NT5DC1: variants seen among roughly 807,000 people sequenced by gnomAD.
NT5DC1 encodes 5'-nucleotidase domain-containing protein 1.
Under a neutral mutation model 59.4 loss-of-function variants are expected in NT5DC1, and 42 were observed. That is an observed-to-expected ratio of 0.71 (90% confidence interval 0.55 to 0.92). NT5DC1 has a LOEUF of 0.92. Among genes scored for constraint, NT5DC1 ranks in the 40% least tolerant of loss-of-function variants. The pLI is 0.00. For synonymous variants in NT5DC1, 172 were observed against 188.1 expected (o/e 0.91, Z 0.70); for missense variants, 501 against 537.1 (o/e 0.93, Z 0.66).
chr6:116,182,222 AGTGTGT>A (rs35883565), intron 6 of NT5DC1, among the ~76,000 whole-genome samples: 2,370 of 124,674 alleles, frequency 0.019, 27 homozygotes, highest in African/African-American at 0.036. Flanking sequence ...TTCCATGGAG[AGTGTGT>A]GTGTGTGTGT....
chr6:116,211,796 G>T (rs1327979745), intron 6 of NT5DC1, among the ~76,000 whole-genome samples: 3 of 152,110 alleles, frequency 2.0e-5, no homozygotes, highest in African/African-American at 7.2e-5. Flanking sequence ...TTGTTGTACT[G>T]TGCAAATCTA....
At chr6:116,243,769 C>T (rs754270361) in intron 11 of NT5DC1, 140 bp from the exon 12 acceptor site, 3 of 513,400 alleles carry the variant, frequency 5.8e-6, no homozygotes, top group Non-Finnish European at 1.0e-5. Flanking sequence ...TAGCTACACA[C>T]AGACCTACTG....
At chr6:116,133,059 T>C (rs1779508042) in intron 6 of NT5DC1, among the ~76,000 whole-genome samples, 1 of 152,272 alleles carries the variant, frequency 6.6e-6, no homozygotes, top group East Asian at 1.9e-4. Context: ...CTGAGAGTCA[T>C]TTACAAAGTT....
intron 8 of NT5DC1, among the ~76,000 whole-genome samples, chr6:116,228,261 C>T (rs537172883): frequency 6.6e-6 from 1 of 151,930 alleles, no homozygotes; most frequent in African/African-American, 2.4e-5. Context: ...GTAATCCCAC[C>T]ACTTTGGGAG....
At chr6:116,204,377 T>C (rs1781405948) in intron 6 of NT5DC1, among the ~76,000 whole-genome samples, 1 of 151,980 alleles carries the variant, frequency 6.6e-6, no homozygotes, top group Admixed American at 6.6e-5. Context: ...AAAGATGCAC[T>C]ACCTAATTAG....
chr6:116,113,417 G>A (rs972349751), intron 4 of NT5DC1, among the ~76,000 whole-genome samples: 1 of 152,162 alleles, frequency 6.6e-6, no homozygotes, highest in Non-Finnish European at 1.5e-5. Flanking sequence ...ATGGTTATAG[G>A]ACTTGATCTT....
chr6:116,238,109 T>C, intron 9 of NT5DC1, 78 bp from the exon 10 acceptor site: 1 of 1,089,500 alleles, frequency 9.2e-7, no homozygotes, highest in Non-Finnish European at 1.3e-6. Flanking sequence ...TGTTGAGAAA[T>C]TTTCTTCTTC....
chr6:116,113,758 C>G (rs1778920047), intron 4 of NT5DC1, among the ~76,000 whole-genome samples: 1 of 152,176 alleles, frequency 6.6e-6, no homozygotes, highest in East Asian at 1.9e-4. Context: ...AATAGTTCAA[C>G]TCTTAGACTG....
intron 6 of NT5DC1, among the ~76,000 whole-genome samples, chr6:116,180,334 C>G (rs1780847919): frequency 6.6e-6 from 1 of 151,926 alleles, no homozygotes; most frequent in Non-Finnish European, 1.5e-5. Context: ...CGCAAGGTAA[C>G]TCATTGGTGC....
At chr6:116,119,818 A>C (rs1752369358) in intron 6 of NT5DC1, 3 of 392,104 alleles carry the variant, frequency 7.7e-6, no homozygotes, top group Middle Eastern at 6.8e-4. Flanking sequence ...TTCTTTGGTG[A>C]TATTTTTTAA....
At chr6:116,226,185 A>T (rs1476353630) in intron 8 of NT5DC1, among the ~76,000 whole-genome samples, 2 of 152,194 alleles carry the variant, frequency 1.3e-5, no homozygotes, top group East Asian at 1.9e-4. Context: ...CCAGAAAAAA[A>T]TTTAAATGTT....
At chr6:116,239,447 G>C (rs1018775880) in intron 11 of NT5DC1, among the ~76,000 whole-genome samples, 4 of 152,144 alleles carry the variant, frequency 2.6e-5, no homozygotes, top group Non-Finnish European at 5.9e-5. Flanking sequence ...TGCTGATTCC[G>C]GAGGCGGCAC....
At chr6:116,229,805 C>G (rs1184157814) in intron 8 of NT5DC1, among the ~76,000 whole-genome samples, 1 of 152,134 alleles carries the variant, frequency 6.6e-6, no homozygotes, top group African/African-American at 2.4e-5. Flanking sequence ...CTCTCTCTCT[C>G]TGTCTCGTCC....
chr6:116,139,248 C>G (rs770538617), intron 6 of NT5DC1, among the ~76,000 whole-genome samples: 5 of 152,064 alleles, frequency 3.3e-5, no homozygotes, highest in African/African-American at 7.2e-5. Context: ...AAAGAAGTCT[C>G]TCAGTCTACT....
At chr6:116,243,778 T>C (rs1771783012) in intron 11 of NT5DC1, 131 bp from the exon 12 acceptor site, 1 of 529,164 alleles carries the variant, frequency 1.9e-6, no homozygotes, top group Non-Finnish European at 3.4e-6. Context: ...ACAGACCTAC[T>C]GAAGGAGCAA....
In NT5DC1 at chr6:116,100,888, A is replaced by ACCCTTCGCGGCCGAGGCG; in HGVS notation, c.-41_-24dup. ...AGCGTCCCGCCAGCCAGCTCCTTGCACCCTTCGCGGCCGAGGCGCTCCCTG... is the reference window on the plus strand; with the variant it reads ...AGCGTCCCGCCAGCCAGCTCCTTGCACCCTTCGCGGCCGAGGCGCCCTTCGCGGCCGAGGCGCTCCCTG... On this transcript the variant is annotated 5_prime_UTR_variant, in exon 1 of 12. Coordinates refer to ENST00000319550, the MANE Select transcript of NT5DC1 (RefSeq NM_152729.3). 6.7e-7 allele frequency: 1 copy of ACCCTTCGCGGCCGAGGCG among 1,488,810 alleles called. No homozygotes were observed. Among genetic ancestry groups the ACCCTTCGCGGCCGAGGCG allele is most frequent in the Non-Finnish European group, 9.2e-7 (1 of 1,089,240 alleles). 92.2% of individuals were successfully genotyped at this position (1,488,810 alleles called of 1,614,324 possible). A position where few individuals can be genotyped will look rare whatever the true frequency, so the allele number is the denominator to read the frequency against.
intron 6 of NT5DC1, among the ~76,000 whole-genome samples, chr6:116,205,657 GT>G (rs1781436988): frequency 6.6e-6 from 1 of 151,928 alleles, no homozygotes; most frequent in Non-Finnish European, 1.5e-5. Flanking sequence ...TAAACCAGCT[GT>G]TTGTGTAGTT....
intron 6 of NT5DC1, among the ~76,000 whole-genome samples, chr6:116,175,872 CT>C (rs1780723637): frequency 6.6e-6 from 1 of 152,118 alleles, no homozygotes; most frequent in Non-Finnish European, 1.5e-5. Flanking sequence ...AAGTCCCTGT[CT>C]GATAATTCCA....
intron 6 of NT5DC1, chr6:116,137,124 G>A (rs543113227): frequency 2.4e-5 from 5 of 212,504 alleles, no homozygotes; most frequent in Admixed American, 4.5e-5. Flanking sequence ...CCACAAATCG[G>A]TGGGGTCTCC....
Sources: gnomAD v4.1 joint callset for allele counts (sites outside exome capture counted in the v4.1 genomes callset) on GRCh38, gnomAD v4.1.1 for gene constraint, MANE v1.5 for transcripts, NCBI Gene and HGNC (gene_info 2026-07-23, HGNC 2026-07-21) for gene names.